Variants in CLK4 observed in about 807,000 individuals in gnomAD.
CLK4 encodes dual specificity protein kinase CLK4.
Under a neutral mutation model 64.4 loss-of-function variants are expected in CLK4, and 37 were observed. The ratio of observed to expected loss-of-function variants is 0.57; its 90% CI spans 0.44 to 0.76. The LOEUF (loss-of-function observed/expected upper bound fraction) is 0.76, where lower values mean the gene tolerates loss of function less well. CLK4 is among the 30% of genes least tolerant of loss of function. The pLI, the probability that CLK4 is intolerant of heterozygous loss-of-function variation, is 0.00. For synonymous variants in CLK4, 175 were observed against 191.6 expected, an observed-to-expected ratio of 0.91 and a Z score of 0.72; for missense variants, 457 against 605.1, an observed-to-expected ratio of 0.76 and a Z score of 2.57.
intron 2 of CLK4, chr5:178,619,657 T>G (rs558021325): frequency 2.1e-4 from 113 of 533,680 alleles, no homozygotes; most frequent in African/African-American, 1.3e-3. Flanking sequence ...TAGAGATCCC[T>G]TTGAAAATCT....
chr5:178,605,213 G>C, intron 11 of CLK4, 90 bp downstream of exon 11: 1 of 664,734 alleles, frequency 1.5e-6, no homozygotes, highest in Non-Finnish European at 2.3e-6. Context: ...ATAGTCCTTG[G>C]AATCAGTATT....
In CLK4 at chr5:178,602,752, C is replaced by T. The variant is rs1764406006; in HGVS notation, c.*865G>A. On this transcript the variant is annotated 3_prime_UTR_variant, in exon 13 of 13. Coordinates refer to ENST00000316308, the MANE Select transcript of CLK4 (RefSeq NM_020666.3). ...CCAAACTGCTTTCCAATCAAATCCT[C>T]TTTCTCCCGTAAGAATTATCACAGA... is the stretch of plus-strand genomic sequence containing the variant. The T allele has an allele frequency of 6.6e-6, 1 of 152,214 alleles. No individual in the cohort carries two copies. Among genetic ancestry groups the T allele is most frequent in the African/African-American group, 2.4e-5 (1 of 41,460 alleles). The allele number at this position is 152,214 out of a possible 1,614,324, so 9.4% of individuals were successfully genotyped here.
intron 5 of CLK4, among the ~76,000 whole-genome samples, chr5:178,615,738 T>A (rs1457672153): frequency 6.6e-6 from 1 of 152,202 alleles, no homozygotes; most frequent in African/African-American, 2.4e-5. Flanking sequence ...TGATAAAAAA[T>A]TTTGTCATTT....
intron 10 of CLK4, among the ~76,000 whole-genome samples, chr5:178,607,233 G>C (rs1764480061): frequency 1.3e-5 from 2 of 151,698 alleles, no homozygotes; most frequent in Non-Finnish European, 1.5e-5. Context: ...CTGACTTCTA[G>C]GATCAAACCA....
In CLK4 at chr5:178,617,674, G is replaced by A; in HGVS notation, c.385-240C>T. ...GATTTTCAGATAAGATACTTAAAGT[G>A]GCAATAGAAAAAAACAACACAATTG... On this transcript the variant is annotated intron_variant, in intron 3 of 12. Transcript: ENST00000316308. This position sits in a 1 kb window ranked among gnomAD's most constrained non-coding sequence, Gnocchi z 5.2. The A allele has an allele frequency of 6.3e-6, 2 of 316,070 alleles. No individual in the cohort carries two copies. The highest frequency in any genetic ancestry group is 4.7e-5 in the Admixed American group (1 of 21,488). 19.6% of individuals were successfully genotyped at this position (316,070 alleles called of 1,614,324 possible). A position where few individuals can be genotyped will look rare whatever the true frequency, so the allele number is the denominator to read the frequency against.
rs1335256241 is a variant in CLK4 at position 178,613,540 on chromosome 5, G to A, written c.759C>T (p.Asn253=). Residue 253 remains asparagine, a synonymous_variant, in exon 7 of 13, where the codon AAC becomes AAT. Coordinates refer to ENST00000316308, the MANE Select transcript of CLK4 (RefSeq NM_020666.3). ...GGTCAATTTGAAATGGCAGAAAGCT[G>A]TTTTCTTTAATGAAATCGTAAGTAC... The part of the protein sequence containing the change: ...GLSTYDFIKE[N]SFLPFQIDHI... 9 of 1,612,048 alleles carry A rather than the reference G, an allele frequency of 5.6e-6. No individual in the cohort carries two copies. Among genetic ancestry groups the A allele is most frequent in the Non-Finnish European group, 7.6e-6 (9 of 1,179,328 alleles).
At chr5:178,621,954 A>G (rs2113814340) in intron 2 of CLK4, 1 of 152,212 alleles carries the variant, frequency 6.6e-6, no homozygotes, top group East Asian at 1.9e-4. Context: ...TTTGACCTTC[A>G]AAAATTAGAA....
intron 9 of CLK4, 133 bp downstream of exon 9, chr5:178,612,283 A>G (rs1764567757): frequency 1.3e-6 from 1 of 769,206 alleles, no homozygotes; most frequent in Non-Finnish European, 2.0e-6. Context: ...ATGTCCACAC[A>G]TTTTTTATGA....
At chr5:178,616,810 A>C (rs1764633926) in intron 5 of CLK4, 72 bp downstream of exon 5, 2 of 1,148,084 alleles carry the variant, frequency 1.7e-6, no homozygotes, top group Admixed American at 1.9e-5. Context: ...AAATAAATAA[A>C]ATTTCATCTG....
chr5:178,617,508 G>A lies in CLK4; in HGVS notation c.385-74C>T, dbSNP rs904138478. 5.2e-6 allele frequency: 7 copies of A among 1,356,772 alleles called. No homozygotes were observed. The Admixed American group carries it at 5.6e-5, about 11-fold the overall frequency. 84.0% of individuals were successfully genotyped at this position (1,356,772 alleles called of 1,614,324 possible). On this transcript the variant is annotated intron_variant, in intron 3 of 12. Transcript: ENST00000316308. The surrounding 1 kb of genome is among the most constrained non-coding windows in gnomAD (Gnocchi z 5.2). ...TCAGAGTGAATTCAGGGCAGAATAC[G>A]CAATTCATTCAGCGGGGAGATATTC...
chr5:178,623,964 T>A (rs1764745484), intron 1 of CLK4, among the ~76,000 whole-genome samples: 1 of 152,190 alleles, frequency 6.6e-6, no homozygotes, highest in South Asian at 2.1e-4. Flanking sequence ...TTTGGCAAAG[T>A]ACTGTAATAC....
chr5:178,617,436 T>C lies in CLK4; in HGVS notation c.385-2A>G. 1 of 1,612,774 alleles carries C rather than the reference T, an allele frequency of 6.2e-7. No individual in the cohort carries two copies. Among genetic ancestry groups the C allele is most frequent in the South Asian group, 1.1e-5 (1 of 91,032 alleles). On this transcript the variant is annotated splice_acceptor_variant, in intron 3 of 12. Transcript: ENST00000316308. LOFTEE classifies it high-confidence loss of function. The surrounding 1 kb of genome is among the most constrained non-coding windows in gnomAD (Gnocchi z 5.2). Reference sequence around the variant, plus strand: ...GGATCTTTTCCTTCGGTGGCTCTTCTGGAACGGCAAGTGGGCAGCACCAAG... The same window carrying C: ...GGATCTTTTCCTTCGGTGGCTCTTCCGGAACGGCAAGTGGGCAGCACCAAG...
At chr5:178,626,123 G>A (rs80076372) in intron 1 of CLK4, among the ~76,000 whole-genome samples, 1,951 of 152,282 alleles carry the variant, frequency 0.013, 25 homozygotes, top group Non-Finnish European at 0.021. Context: ...TATAAGTTTA[G>A]GATTGGATGG....
At chr5:178,609,539 T>C (rs1236388910) in intron 9 of CLK4, among the ~76,000 whole-genome samples, 5 of 151,892 alleles carry the variant, frequency 3.3e-5, no homozygotes, top group Middle Eastern at 3.4e-3. Context: ...AAAAATTAGC[T>C]GGGCGTGGTG....
chr5:178,603,102 A>T lies in CLK4; in HGVS notation c.*515T>A, dbSNP rs1319206166. The T allele has an allele frequency of 1.3e-5, 2 of 152,640 alleles. No individual in the cohort carries two copies. Among genetic ancestry groups the T allele is most frequent in the African/African-American group, 4.8e-5 (2 of 41,454 alleles). The allele number at this position is 152,640 out of a possible 1,614,324, so 9.5% of individuals were successfully genotyped here. ...ACATCACCCAATGAAAAAGAATACA[A>T]CACTTAAAATTTAATAGAATTCTAA... On this transcript the variant is annotated 3_prime_UTR_variant, in exon 13 of 13. Coordinates refer to ENST00000316308, the MANE Select transcript of CLK4 (RefSeq NM_020666.3).
chr5:178,603,796 A>G, intron 12 of CLK4, 39 bp from the exon 13 acceptor site: 1 of 1,581,030 alleles, frequency 6.3e-7, no homozygotes, highest in East Asian at 2.2e-5. Context: ...AAAATTATTA[A>G]TAGTGCAAAC....
chr5:178,609,850 A>G (rs1416502316), intron 9 of CLK4, among the ~76,000 whole-genome samples: 1 of 151,320 alleles, frequency 6.6e-6, no homozygotes, highest in East Asian at 1.9e-4. Flanking sequence ...CAGAGGTTGC[A>G]GTGAGCTGAG....
intron 9 of CLK4, 24 bp downstream of exon 9, chr5:178,612,392 T>C (rs1662546993): frequency 2.6e-6 from 4 of 1,560,970 alleles, no homozygotes; most frequent in Non-Finnish European, 3.5e-6. Context: ...AATTATAATA[T>C]TAGAAAGCCT....
At chr5:178,603,809 G>A (rs199761149) in intron 12 of CLK4, 35 bp downstream of exon 12, 13 of 1,585,172 alleles carry the variant, frequency 8.2e-6, no homozygotes, top group East Asian at 6.7e-5. Flanking sequence ...GTGCAAACAC[G>A]TGGTTTATTT....
Sources: allele counts gnomAD v4.1 joint callset (sites outside exome capture counted in the v4.1 genomes callset), GRCh38; gene constraint gnomAD v4.1.1; non-coding constraint Gnocchi (gnomAD v3.1); transcripts MANE v1.5; gene names NCBI Gene and HGNC (gene_info 2026-07-23, HGNC 2026-07-21).